CCDC137: variants seen among roughly 807,000 people sequenced by gnomAD.
CCDC137 encodes coiled-coil domain-containing protein 137.
Under a neutral mutation model 30.4 loss-of-function variants are expected in CCDC137, and 24 were observed. The ratio of observed to expected loss-of-function variants is 0.79; its 90% CI spans 0.57 to 1.11. CCDC137 has a LOEUF of 1.11. Ranked by LOEUF, CCDC137 falls within the 50% of genes least tolerant of loss-of-function variation. The pLI is 0.00. For synonymous variants in CCDC137, 182 were observed against 155.7 expected (o/e 1.17, Z -1.26); for missense variants, 417 against 380.4 (o/e 1.10, Z -0.80).
intron 4 of CCDC137, 88 bp downstream of exon 4, chr17:81,671,914 TG>T: frequency 6.6e-7 from 1 of 1,506,868 alleles, no homozygotes. Context: ...CTGGCTGCAC[TG>T]GGCACCTGTG....
Position 81,670,396 on chromosome 17 carries a change from A to C in CCDC137, c.440A>C (p.Gln147Pro). 6.2e-7 allele frequency: 1 copy of C among 1,613,950 alleles called. No individual in the cohort carries two copies. The highest frequency in any genetic ancestry group is 8.5e-7 in the Non-Finnish European group (1 of 1,180,044). ...CTCAGCAAGAACCAGGCCATCCGGC[A>C]GCCAGAGGTGCAGGCAGCTCCCAAG... ...LFLSKNQAIRQPEVQAAPKEK... is the reference protein window; with the variant it reads ...LFLSKNQAIRPPEVQAAPKEK... Residue 147 changes from glutamine (Q) to proline (P), a missense_variant, in exon 3 of 6, where the codon CAG becomes CCG. Transcript: ENST00000329214.
At chr17:81,672,021 G>A in intron 4 of CCDC137, 55 bp from the exon 5 acceptor site, 1 of 1,595,762 alleles carries the variant, frequency 6.3e-7, no homozygotes, top group Non-Finnish European at 8.6e-7. Flanking sequence ...GGCTCTGGGT[G>A]TCAGGGGTGC....
chr17:81,671,123 T>G (rs1229241530), intron 3 of CCDC137, among the ~76,000 whole-genome samples: 2 of 148,810 alleles, frequency 1.3e-5, no homozygotes, highest in African/African-American at 5.0e-5. Flanking sequence ...AGAGCGAGAC[T>G]CCATCTCAAA....
At chr17:81,667,344 G>A (rs1420749067) in intron 1 of CCDC137, among the ~76,000 whole-genome samples, 1 of 145,218 alleles carries the variant, frequency 6.9e-6, no homozygotes. Context: ...TTTTTGAGAC[G>A]GAGTCTCACT....
At chr17:81,668,194 G>A (rs1267457541) in intron 2 of CCDC137, among the ~76,000 whole-genome samples, 2 of 152,048 alleles carry the variant, frequency 1.3e-5, no homozygotes, top group Non-Finnish European at 2.9e-5. Context: ...TTTACTCTAA[G>A]CAAAAAAAGG....
intron 2 of CCDC137, among the ~76,000 whole-genome samples, chr17:81,668,142 G>T (rs1398666532): frequency 3.3e-5 from 5 of 152,130 alleles, no homozygotes; most frequent in African/African-American, 1.2e-4. Context: ...CAAAAGTAGC[G>T]AAGATTCATC....
In CCDC137 at chr17:81,670,453, C is replaced by T. The variant is rs779033426; in HGVS notation, c.497C>T (p.Ala166Val). The change falls in exon 3 of 6, where the codon GCG (alanine) becomes GTG (valine). Residue 166 changes from alanine to valine, a missense_variant and splice_region_variant. Physicochemically the swap from Ala to Val is moderately conservative, Grantham distance 64. Coordinates refer to ENST00000329214, the MANE Select transcript of CCDC137 (RefSeq NM_199287.3). ...EKSEQKKAKKAFQKRRLDKVR... is the reference protein window; with the variant it reads ...EKSEQKKAKKVFQKRRLDKVR... Reference sequence around the variant, plus strand: ...TCTGAGCAGAAAAAAGCAAAAAAAGCGTGAGTGGAGGCGGGAGGGGGAGGG... The same window carrying T: ...TCTGAGCAGAAAAAAGCAAAAAAAGTGTGAGTGGAGGCGGGAGGGGGAGGG... 21 of 1,611,444 alleles carry T rather than the reference C, an allele frequency of 1.3e-5. No homozygotes were observed. The highest frequency in any genetic ancestry group is 6.7e-5 in the East Asian group (3 of 44,868).
In CCDC137 at chr17:81,671,804, G is replaced by A. The variant is rs2036722272; in HGVS notation, c.558G>A (p.Arg186=). 4 of 1,613,380 alleles carry A rather than the reference G, an allele frequency of 2.5e-6. No homozygotes were observed. Among genetic ancestry groups the A allele is most frequent in the Non-Finnish European group, 3.4e-6 (4 of 1,179,910 alleles). ...RRKKEEKAAD[R]LEQELLRDTV... ...AAAAGGAGGAAAAGGCGGCAGACAGGCTGGAGCAGGAGTTGCTCCGAGGTA... is the reference window on the plus strand; with the variant it reads ...AAAAGGAGGAAAAGGCGGCAGACAGACTGGAGCAGGAGTTGCTCCGAGGTA... The change falls in exon 4 of 6, where the codon AGG becomes AGA. Residue 186 remains arginine, a synonymous_variant. Transcript: ENST00000329214.
chr17:81,667,765 C>T lies in CCDC137; in HGVS notation c.171C>T (p.Asn57=). The change falls in exon 2 of 6, where the codon AAC becomes AAT. Residue 57 remains asparagine (N), a synonymous_variant. Coordinates refer to ENST00000329214, the MANE Select transcript of CCDC137 (RefSeq NM_199287.3). The stretch of plus-strand genomic sequence containing the variant: ...AGAAAGTGAACTGCAAGCCCAAGAA[C>T]CAGGACGAACAGGAGATTCCTTTCC... ...EKKKVNCKPK[N]QDEQEIPFRL... 1 of 1,613,680 alleles carries T rather than the reference C, an allele frequency of 6.2e-7. No individual in the cohort carries two copies. The highest frequency in any genetic ancestry group is 8.5e-7 in the Non-Finnish European group (1 of 1,179,988).
intron 2 of CCDC137, among the ~76,000 whole-genome samples, chr17:81,669,244 C>T (rs2036688650): frequency 6.6e-6 from 1 of 150,910 alleles, no homozygotes; most frequent in Non-Finnish European, 1.5e-5. Context: ...CTTCCAGGTT[C>T]AAGCAAGTCT....
At chr17:81,672,354 C>T (rs1469217432) in intron 5 of CCDC137, 141 bp from the exon 6 acceptor site, 2 of 962,396 alleles carry the variant, frequency 2.1e-6, no homozygotes, top group East Asian at 2.6e-5. Flanking sequence ...AAAAAAAACC[C>T]TCAGCCAACG....
At chr17:81,669,189 C>CT (rs981089647) in intron 2 of CCDC137, among the ~76,000 whole-genome samples, 88 of 130,832 alleles carry the variant, frequency 6.7e-4, no homozygotes, top group Middle Eastern at 5.5e-3. Flanking sequence ...TGTGCCTGGC[C>CT]TTTTTTTTTT....
In CCDC137 at chr17:81,672,514, T is replaced by C; in HGVS notation, c.680T>C (p.Met227Thr). The C allele has an allele frequency of 1.9e-6, 3 of 1,561,322 alleles. No homozygotes were observed. The highest frequency in any genetic ancestry group is 2.6e-6 in the Non-Finnish European group (3 of 1,152,604). Reference protein sequence around the residue: ...SKDQPGRRSQMLRMLLSPGGV... With the variant: ...SKDQPGRRSQTLRMLLSPGGV... The stretch of plus-strand genomic sequence containing the variant: ...CCTCAGCCTGGCAGGAGATCGCAGA[T>C]GCTGCGGATGCTTCTGAGCCCCGGT... The change falls in exon 6 of 6, where the codon ATG becomes ACG. Residue 227 changes from methionine (M) to threonine (T), a missense_variant. Met to Thr is a moderately conservative substitution (Grantham distance 81). Coordinates refer to ENST00000329214, the MANE Select transcript of CCDC137 (RefSeq NM_199287.3).
rs761134731 is a variant in CCDC137 at position 81,672,149 on chromosome 17, G to C, written c.654G>C (p.Lys218Asn). 1 of 1,614,004 alleles carries C rather than the reference G, an allele frequency of 6.2e-7. No homozygotes were observed. The highest frequency in any genetic ancestry group is 1.1e-5 in the South Asian group (1 of 91,080). Residue 218 changes from lysine to asparagine, a missense_variant, in exon 5 of 6, where the codon AAG (lysine) becomes AAC (asparagine). By Grantham distance (94) the Lys-to-Asn change is moderately conservative. Transcript: ENST00000329214. ...LTARPQRSVS[K>N]DQPGRRSQML... is the part of the protein sequence containing the mutation. Reference sequence around the variant, plus strand: ...CCAGGCCCCAGAGGAGCGTAAGCAAGGACCAGGTAAGTGGGGCACGGGGAC... The same window carrying C: ...CCAGGCCCCAGAGGAGCGTAAGCAACGACCAGGTAAGTGGGGCACGGGGAC...
intron 3 of CCDC137, among the ~76,000 whole-genome samples, 181 bp downstream of exon 3, chr17:81,670,634 G>C (rs1023450529): frequency 6.6e-6 from 1 of 152,210 alleles, no homozygotes; most frequent in Admixed American, 6.5e-5. Flanking sequence ...GCCAGTGAGG[G>C]TGTGGCCTCC....
chr17:81,672,008 GGTGGCTCTGGGTGTCAGGGGTGCA>G (rs1216777513), intron 4 of CCDC137, 44 bp from the exon 5 acceptor site: 7 of 1,564,918 alleles, frequency 4.5e-6, no homozygotes, highest in Non-Finnish European at 6.2e-6. Context: ...GTGGGCGGGT[GGTGGCTCTGGGTGTCAGGGGTGCA>G]GTGGCTGTGG....
rs2036734485 is a variant in CCDC137 at position 81,672,605 on chromosome 17, G to A, written c.771G>A (p.Arg257=). ...GGATTGTGGAGGAGGAGAGAGAGCGGGCCGTGCAGGCCTACAGAGCGTTGA... is the reference window on the plus strand; with the variant it reads ...GGATTGTGGAGGAGGAGAGAGAGCGAGCCGTGCAGGCCTACAGAGCGTTGA... ...RQRIVEEERE[R]AVQAYRALKQ... Residue 257 remains arginine (R), a synonymous_variant, in exon 6 of 6, where the codon CGG becomes CGA. Transcript: ENST00000329214. 6.3e-7 allele frequency: 1 copy of A among 1,588,834 alleles called. No individual in the cohort carries two copies. The highest frequency in any genetic ancestry group is 8.6e-7 in the Non-Finnish European group (1 of 1,168,518).
At chr17:81,668,314 G>T (rs1160346188) in intron 2 of CCDC137, among the ~76,000 whole-genome samples, 1 of 152,214 alleles carries the variant, frequency 6.6e-6, no homozygotes, top group Non-Finnish European at 1.5e-5. Flanking sequence ...ATGGTAGAGA[G>T]AAGTGGGTGG....
At chr17:81,668,126 T>C (rs75001479) in intron 2 of CCDC137, among the ~76,000 whole-genome samples, 435 of 152,130 alleles carry the variant, frequency 2.9e-3, no homozygotes, top group African/African-American at 9.9e-3. Flanking sequence ...GGCGTTTTTT[T>C]CTCCCCAAAA....
Sources: allele counts gnomAD v4.1 joint callset (sites outside exome capture counted in the v4.1 genomes callset), GRCh38; gene constraint gnomAD v4.1.1; transcripts MANE v1.5; gene names NCBI Gene and HGNC (gene_info 2026-07-23, HGNC 2026-07-21).